The following SCYL2 variants were observed in gnomAD, a reference collection of about 807,000 sequenced individuals.
SCYL2 encodes the protein SCY1 like pseudokinase 2, also known as SCY1-like protein 2.
Under a neutral mutation model 100.4 loss-of-function variants are expected in SCYL2, and 36 were observed. The ratio of observed to expected loss-of-function variants is 0.36; its 90% CI spans 0.27 to 0.47. SCYL2 has a LOEUF of 0.47. Among genes scored for constraint, SCYL2 ranks in the 20% least tolerant of loss-of-function variants. The pLI, the probability that SCYL2 is intolerant of heterozygous loss-of-function variation, is 1.00. For missense variants in SCYL2, 902 were observed against 1,083.9 expected (o/e 0.83, Z 2.36); for synonymous variants, 330 against 359.2 (o/e 0.92, Z 0.92).
At chr12:100,329,871 TC>T (rs2135932303) in intron 13 of SCYL2, among the ~76,000 whole-genome samples, 1 of 152,346 alleles carries the variant, frequency 6.6e-6, no homozygotes, top group African/African-American at 2.4e-5. Flanking sequence ...ACTTAGGGCC[TC>T]CATTCTTAGC....
At chr12:100,307,348 C>T (rs1218308126) in intron 4 of SCYL2, among the ~76,000 whole-genome samples, 1 of 152,176 alleles carries the variant, frequency 6.6e-6, no homozygotes, top group Non-Finnish European at 1.5e-5. Context: ...CACACATCTT[C>T]AACCATCTGA....
intron 12 of SCYL2, among the ~76,000 whole-genome samples, chr12:100,328,381 T>C (rs1952163182): frequency 6.6e-6 from 1 of 152,248 alleles, no homozygotes; most frequent in African/African-American, 2.4e-5. Context: ...AAAGTTTATT[T>C]ATCCAATGAG....
At chr12:100,301,226 C>T (rs986055448) in intron 4 of SCYL2, among the ~76,000 whole-genome samples, 3 of 152,164 alleles carry the variant, frequency 2.0e-5, no homozygotes, top group Admixed American at 2.0e-4. Flanking sequence ...TTGTAGTTTT[C>T]ATTCGTGTTT....
intron 10 of SCYL2, among the ~76,000 whole-genome samples, chr12:100,322,675 A>G (rs11110339): frequency 0.12 from 18,519 of 151,982 alleles, 1,514 homozygotes; most frequent in Non-Finnish European, 0.18. Flanking sequence ...CCTGGCCAGT[A>G]TGGTGAAACC....
At position 100,269,127 on chromosome 12, in the gene SCYL2, G is replaced by T. The variant is rs907683249; in HGVS notation, c.-29+1335G>T. ...TCTTAGTGTTTAAAATCTTTCAGTG[G>T]CTTCTCACCATTTTTAAGTAAATCG... On this transcript the variant is annotated intron_variant, in intron 1 of 17. Coordinates refer to ENST00000360820, the MANE Select transcript of SCYL2 (RefSeq NM_017988.6). 1.1e-4 allele frequency among the ~76,000 whole-genome samples: 17 copies of T among 152,164 alleles called. No homozygotes were observed. The East Asian group carries it at 1.2e-3, about 10-fold the overall frequency.
chr12:100,267,177 AG>A lies in SCYL2; in HGVS notation c.-643del. On this transcript the variant is annotated 5_prime_UTR_variant, in exon 1 of 18. Coordinates refer to ENST00000360820, the MANE Select transcript of SCYL2 (RefSeq NM_017988.6). ...CATGCCCCCGGCCGGCAGGTCTTTT[AG>A]TCTTTTTCCCCCTCCCTTACTCTTC... 3 of 1,320,706 alleles carry A rather than the reference AG, an allele frequency of 2.3e-6. No individual in the cohort carries two copies. The highest frequency in any genetic ancestry group is 2.1e-6 in the Non-Finnish European group (2 of 957,454). The allele number at this position is 1,320,706 out of a possible 1,614,324, so 81.8% of individuals were successfully genotyped here. A position where few individuals can be genotyped will look rare whatever the true frequency, so the allele number is the denominator to read the frequency against.
intron 6 of SCYL2, among the ~76,000 whole-genome samples, 181 bp from the exon 7 acceptor site, chr12:100,313,241 G>A (rs960348027): frequency 6.6e-6 from 1 of 152,130 alleles, no homozygotes; most frequent in Non-Finnish European, 1.5e-5. Context: ...TGTAGGAATA[G>A]AAACAATTTT....
At position 100,283,082 on chromosome 12, in the gene SCYL2, A is replaced by T. The variant is rs570442132; in HGVS notation, c.112A>T (p.Ile38Phe). 5.0e-6 allele frequency: 8 copies of T among 1,613,226 alleles called. No individual in the cohort carries two copies. The South Asian group carries it at 8.8e-5, about 18-fold the overall frequency. The change falls in exon 2 of 18, where the codon ATT becomes TTT. Residue 38 changes from isoleucine to phenylalanine, a missense_variant. Ile to Phe is a conservative substitution (Grantham distance 21). Coordinates refer to ENST00000360820, the MANE Select transcript of SCYL2 (RefSeq NM_017988.6). ...TAGAGAATTTGATGTTGGTCGACAC[A>T]TTGCCAGTGGTGGCAATGGGCTAGC... ...VTREFDVGRH[I>F]ASGGNGLAWK...
At chr12:100,335,324 T>C (rs951758891) in intron 14 of SCYL2, among the ~76,000 whole-genome samples, 24 of 152,066 alleles carry the variant, frequency 1.6e-4, no homozygotes, top group Non-Finnish European at 3.2e-4. Flanking sequence ...CCATATTATA[T>C]CTTGTCTTTG....
Position 100,322,143 on chromosome 12 carries a change from C to T in SCYL2, c.1396-1382C>T, listed in dbSNP as rs374399987. ...ATCCCAGCACTTTGGGAGGCCGAGG[C>T]GGGCAGATCACGAGGTCAGGAGATC... is the stretch of plus-strand genomic sequence containing the variant. On this transcript the variant is annotated intron_variant, in intron 10 of 17. Coordinates refer to ENST00000360820, the MANE Select transcript of SCYL2 (RefSeq NM_017988.6). Among the ~76,000 whole-genome samples the T allele has an allele frequency of 6.9e-3, 1,043 of 150,692 alleles. 9 individuals are homozygous for T. The highest frequency in any genetic ancestry group is 0.018 in the South Asian group (85 of 4,790).
chr12:100,292,350 T>G (rs915194305), intron 3 of SCYL2, among the ~76,000 whole-genome samples: 7 of 152,152 alleles, frequency 4.6e-5, no homozygotes, highest in African/African-American at 1.7e-4. Context: ...ATCAGATCAT[T>G]TGGTATTTGT....
chr12:100,332,473 T>C (rs1952222545), intron 13 of SCYL2, among the ~76,000 whole-genome samples: 1 of 152,180 alleles, frequency 6.6e-6, no homozygotes, highest in East Asian at 1.9e-4. Flanking sequence ...GTTAACTGTT[T>C]TCTGCACAAA....
intron 10 of SCYL2, chr12:100,319,172 C>T (rs566751912): frequency 8.8e-6 from 4 of 453,460 alleles, no homozygotes; most frequent in East Asian, 1.4e-4. Flanking sequence ...TAAGTTATTT[C>T]GTTTGTTCAA....
chr12:100,306,885 C>T (rs931789002), intron 4 of SCYL2, among the ~76,000 whole-genome samples: 14 of 152,078 alleles, frequency 9.2e-5, no homozygotes, highest in African/African-American at 2.2e-4. Context: ...AAGTGAACTC[C>T]GATTCACAAT....
intron 1 of SCYL2, among the ~76,000 whole-genome samples, chr12:100,282,242 T>C (rs1204048002): frequency 0.034 from 4,802 of 139,296 alleles, 265 homozygotes; most frequent in Non-Finnish European, 0.045. Context: ...CCAGACTGAT[T>C]TTGAACTCCT....
intron 11 of SCYL2, 111 bp downstream of exon 11, chr12:100,323,749 C>G: frequency 1.6e-6 from 1 of 620,364 alleles, no homozygotes; most frequent in African/African-American, 1.9e-5. Flanking sequence ...TTCATCTTGG[C>G]TGTAGATAAC....
At chr12:100,301,106 A>C (rs192740371) in intron 4 of SCYL2, among the ~76,000 whole-genome samples, 1 of 152,320 alleles carries the variant, frequency 6.6e-6, no homozygotes, top group East Asian at 1.9e-4. Context: ...ACTAATTTAC[A>C]TCCCCGCCAA....
intron 11 of SCYL2, among the ~76,000 whole-genome samples, chr12:100,325,674 A>G (rs765855747): frequency 6.6e-6 from 1 of 152,174 alleles, no homozygotes; most frequent in Non-Finnish European, 1.5e-5. Context: ...CAAGAGCTAT[A>G]TTTATTCATT....
At chr12:100,305,894 T>G (rs532786727) in intron 4 of SCYL2, among the ~76,000 whole-genome samples, 1 of 151,256 alleles carries the variant, frequency 6.6e-6, no homozygotes, top group Middle Eastern at 3.2e-3. Flanking sequence ...GCAAATAAAC[T>G]CGAAAATCAA....
Sources: allele counts gnomAD v4.1 joint callset (sites outside exome capture counted in the v4.1 genomes callset), GRCh38; gene constraint gnomAD v4.1.1; transcripts MANE v1.5; gene names NCBI Gene and HGNC (gene_info 2026-07-23, HGNC 2026-07-21).